SYT9: variants seen among roughly 807,000 people sequenced by gnomAD.
SYT9 encodes synaptotagmin-9.
SYT9 carries 22 observed loss-of-function variants against 48.4 expected under a neutral mutation model. The ratio of observed to expected loss-of-function variants is 0.45; its 90% CI spans 0.32 to 0.65. The LOEUF (loss-of-function observed/expected upper bound fraction) is 0.65. Among genes scored for constraint, SYT9 ranks in the 30% least tolerant of loss-of-function variants. The probability of loss-of-function intolerance (pLI) is 0.03; values close to 1 mark genes in which losing one functional copy is unlikely to be tolerated. For synonymous variants in SYT9, 265 were observed against 245.0 expected (o/e 1.08, Z -0.76); for missense variants, 577 against 622.0 (o/e 0.93, Z 0.77).
At chr11:7,426,909 A>G (rs1289067689) in intron 6 of SYT9, among the ~76,000 whole-genome samples, 2 of 152,292 alleles carry the variant, frequency 1.3e-5, no homozygotes, top group African/African-American at 4.8e-5. Context: ...TTGCATGGTC[A>G]TTTCTACATG....
chr11:7,436,620 T>TTTTG (rs55926700), intron 6 of SYT9, among the ~76,000 whole-genome samples: 11,137 of 152,248 alleles, frequency 0.073, 606 homozygotes, highest in Non-Finnish European at 0.12. Flanking sequence ...CAGTTGGTTT[T>TTTTG]TTTGTTTGTT....
intron 1 of SYT9, among the ~76,000 whole-genome samples, chr11:7,293,906 T>G (rs1848739252): frequency 6.6e-6 from 1 of 152,184 alleles, no homozygotes; most frequent in South Asian, 2.1e-4. Context: ...TTTATATTTG[T>G]ATAAGAGAAG....
chr11:7,297,177 C>T (rs933619958), intron 1 of SYT9, among the ~76,000 whole-genome samples: 7 of 151,772 alleles, frequency 4.6e-5, no homozygotes, highest in Non-Finnish European at 1.0e-4. Context: ...GACTCTGGAC[C>T]TCACCCAAGA....
chr11:7,248,643 A>C (rs981673443), upstream of SYT9, among the ~76,000 whole-genome samples: 4 of 152,182 alleles, frequency 2.6e-5, no homozygotes, highest in Non-Finnish European at 4.4e-5. Flanking sequence ...AAAGACCTCT[A>C]CAAGGAAGAC....
intron 3 of SYT9, among the ~76,000 whole-genome samples, chr11:7,353,808 G>T (rs1257682825): frequency 6.6e-6 from 1 of 152,144 alleles, no homozygotes; most frequent in African/African-American, 2.4e-5. Flanking sequence ...TTTTGAGCAT[G>T]CACTGACTGC....
chr11:7,393,475 A>C (rs771567452), intron 3 of SYT9, among the ~76,000 whole-genome samples: 3 of 151,902 alleles, frequency 2.0e-5, no homozygotes, highest in Non-Finnish European at 4.4e-5. Flanking sequence ...GTGAATTAAC[A>C]TTTTGATGTG....
At chr11:7,370,044 A>G (rs7946403) in intron 3 of SYT9, among the ~76,000 whole-genome samples, 88,001 of 151,612 alleles carry the variant, frequency 0.58, 25,936 homozygotes, top group East Asian at 0.87. Flanking sequence ...TCTATCGCTC[A>G]CCCCACTCCC....
chr11:7,303,670 A>G (rs186308748), intron 2 of SYT9, among the ~76,000 whole-genome samples: 16 of 152,348 alleles, frequency 1.1e-4, no homozygotes, highest in Admixed American at 8.5e-4. Flanking sequence ...CATGAAATGT[A>G]TACTATTATC....
chr11:7,385,873 C>T (rs953006917), intron 3 of SYT9, among the ~76,000 whole-genome samples: 3 of 152,126 alleles, frequency 2.0e-5, no homozygotes, highest in African/African-American at 7.2e-5. Flanking sequence ...ATTCTTGGCA[C>T]TTTGCATGTC....
chr11:7,331,232 A>ATTTATTATTTTTTTTTTTTTT (rs1315107007), intron 3 of SYT9, among the ~76,000 whole-genome samples: 1 of 84,754 alleles, frequency 1.2e-5, no homozygotes, highest in East Asian at 1.2e-3. Context: ...GATTTTTTAT[A>ATTTATTATTTTTTTTTTTTTT]TTGAGGACCA....
chr11:7,260,880 A>G (rs1203207111), intron 1 of SYT9, among the ~76,000 whole-genome samples: 1 of 152,230 alleles, frequency 6.6e-6, no homozygotes, highest in Non-Finnish European at 1.5e-5. Context: ...GACTATGCCA[A>G]CAGTGACATC....
At position 7,364,585 on chromosome 11, in the gene SYT9, A is replaced by G. The variant is rs16925366; in HGVS notation, c.1044+50644A>G. ...AACCCCAGATTTGTTTGACTTTAAA[A>G]CTGACACTAATTTGAAAAATTAAAA... On this transcript the variant is annotated intron_variant, in intron 3 of 6. Transcript: ENST00000318881. Among the ~76,000 whole-genome samples, 276 of 152,336 alleles carry G rather than the reference A, an allele frequency of 1.8e-3. 7 individuals carry two copies. The East Asian group carries it at 0.046, about 25-fold the overall frequency.
At chr11:7,409,808 ACTTTT>A (rs1424066496) in intron 3 of SYT9, among the ~76,000 whole-genome samples, 2 of 151,776 alleles carry the variant, frequency 1.3e-5, no homozygotes, top group African/African-American at 4.8e-5. Context: ...TGAAGAATCA[ACTTTT>A]CATTTCATTT....
At chr11:7,241,072 AT>A (rs1272505655) in intron 1 of SYT9, among the ~76,000 whole-genome samples, 5 of 152,174 alleles carry the variant, frequency 3.3e-5, no homozygotes, top group Non-Finnish European at 5.9e-5. Flanking sequence ...AAAAAACTAT[AT>A]TTTTTGTTAT....
intron 6 of SYT9, among the ~76,000 whole-genome samples, chr11:7,456,173 G>A (rs1848147700): frequency 1.3e-5 from 2 of 152,202 alleles, no homozygotes; most frequent in South Asian, 2.1e-4. Flanking sequence ...TAGGTCTGGG[G>A]CATAGGGTCT....
intron 3 of SYT9, among the ~76,000 whole-genome samples, chr11:7,404,181 A>G (rs1321159218): frequency 2.0e-5 from 3 of 151,908 alleles, no homozygotes; most frequent in Non-Finnish European, 4.4e-5. Flanking sequence ...ATCTATTTGT[A>G]TCTGTACATT....
chr11:7,340,646 GGT>G (rs1180712654), intron 3 of SYT9, among the ~76,000 whole-genome samples: 1 of 152,172 alleles, frequency 6.6e-6, no homozygotes, highest in South Asian at 2.1e-4. Flanking sequence ...CTGTGAGGTA[GGT>G]GTTCTGTACT....
chr11:7,245,625 T>C (rs772766004), intron 1 of SYT9, among the ~76,000 whole-genome samples: 7 of 152,236 alleles, frequency 4.6e-5, no homozygotes, highest in Non-Finnish European at 8.8e-5. Context: ...TATTGTCTTA[T>C]AATTCTGGAG....
chr11:7,460,158 A>G (rs1002674784), intron 6 of SYT9, among the ~76,000 whole-genome samples: 9 of 152,216 alleles, frequency 5.9e-5, no homozygotes, highest in Non-Finnish European at 1.3e-4. Flanking sequence ...TACATACCAA[A>G]TTCTACATAA....
Sources: gnomAD v4.1 joint callset for allele counts (sites outside exome capture counted in the v4.1 genomes callset) on GRCh38, gnomAD v4.1.1 for gene constraint, MANE v1.5 for transcripts, NCBI Gene and HGNC (gene_info 2026-07-23, HGNC 2026-07-21) for gene names.